Variants in ZMIZ2 observed in about 807,000 individuals in gnomAD.
The protein encoded by ZMIZ2 is zinc finger MIZ-type containing 2, also known as zinc finger MIZ domain-containing protein 2.
Under a neutral mutation model 93.9 loss-of-function variants are expected in ZMIZ2, and 26 were observed. That is an observed-to-expected ratio of 0.28 (90% CI 0.20 to 0.38). The LOEUF (loss-of-function observed/expected upper bound fraction) is 0.38, where lower values mean the gene tolerates loss of function less well. Ranked by LOEUF, ZMIZ2 falls within the 10% of genes least tolerant of loss-of-function variation. ZMIZ2 has a pLI of 1.00. For synonymous variants in ZMIZ2, 485 were observed against 516.4 expected (o/e 0.94, Z 0.82); for missense variants, 1,023 against 1,235.0 (o/e 0.83, Z 2.57).
chr7:44,760,671 C>T, intron 9 of ZMIZ2, 78 bp downstream of exon 9: 1 of 1,539,702 alleles, frequency 6.5e-7, no homozygotes, highest in Admixed American at 1.9e-5. Flanking sequence ...TCCAGAGAGT[C>T]CTGTAGGAGC....
chr7:44,760,624 T>C (rs768357036), intron 9 of ZMIZ2, 31 bp downstream of exon 9: 4 of 1,610,126 alleles, frequency 2.5e-6, no homozygotes, highest in Non-Finnish European at 3.4e-6. Flanking sequence ...GACAGCGGGG[T>C]GACAAGGCCA....
Position 44,765,882 on chromosome 7 carries a change from C to T in ZMIZ2, c.2243-282C>T, listed in dbSNP as rs1313268421. On this transcript the variant is annotated intron_variant, in intron 16 of 18. Coordinates refer to ENST00000309315, the MANE Select transcript of ZMIZ2 (RefSeq NM_031449.4). This position sits in a 1 kb window ranked among gnomAD's most constrained non-coding sequence, Gnocchi z 4.1. ...TCACAGGACTGGCCCCATCTGGGGC[C>T]CCCCTCTGGGACCCACCTCACACGC... The T allele has an allele frequency of 2.2e-6, 3 of 1,363,592 alleles. No individual in the cohort carries two copies. Among genetic ancestry groups the T allele is most frequent in the Non-Finnish European group, 9.5e-7 (1 of 1,048,860 alleles). 84.5% of individuals were successfully genotyped at this position (1,363,592 alleles called of 1,614,324 possible). A position where few individuals can be genotyped will look rare whatever the true frequency, so the allele number is the denominator to read the frequency against.
In ZMIZ2 at chr7:44,767,853, C is replaced by T; in HGVS notation, c.*230C>T. 1 of 582,580 alleles carries T rather than the reference C, an allele frequency of 1.7e-6. No homozygotes were observed. The highest frequency in any genetic ancestry group is 2.9e-5 in the East Asian group (1 of 34,486). 36.1% of individuals were successfully genotyped at this position (582,580 alleles called of 1,614,324 possible). On this transcript the variant is annotated 3_prime_UTR_variant, in exon 19 of 19. Transcript: ENST00000309315. ...CCCTTGCCACCTCCCTCTGCCAAGC[C>T]TGCTGCTGCAGAACGGTTTTTGCTG...
intron 1 of ZMIZ2, among the ~76,000 whole-genome samples, chr7:44,749,240 G>C (rs995429908): frequency 6.6e-6 from 1 of 152,186 alleles, no homozygotes; most frequent in African/African-American, 2.4e-5. Flanking sequence ...GGCAGGCTCG[G>C]CCCCGTGGGC....
At position 44,763,625 on chromosome 7, in the gene ZMIZ2, C is replaced by A; in HGVS notation, c.1860+212C>A. On this transcript the variant is annotated intron_variant, in intron 13 of 18. Coordinates refer to ENST00000309315, the MANE Select transcript of ZMIZ2 (RefSeq NM_031449.4). The surrounding 1 kb of genome is among the most constrained non-coding windows in gnomAD (Gnocchi z 5.6). ...CCAAATATAATTGTCATTTTACTAACTTTTTTACTGCCTGCTTCATTCATG... is the reference window on the plus strand; with the variant it reads ...CCAAATATAATTGTCATTTTACTAAATTTTTTACTGCCTGCTTCATTCATG... The A allele has an allele frequency of 1.6e-6, 1 of 628,020 alleles. No individual in the cohort carries two copies. Among genetic ancestry groups the A allele is most frequent in the East Asian group, 3.0e-5 (1 of 33,778 alleles). 38.9% of individuals were successfully genotyped at this position (628,020 alleles called of 1,614,324 possible).
intron 7 of ZMIZ2, 33 bp downstream of exon 7, chr7:44,759,493 C>G: frequency 7.1e-7 from 1 of 1,418,348 alleles, no homozygotes; most frequent in South Asian, 1.6e-5. Flanking sequence ...CTGTGCCGGG[C>G]TCCGTGCTGA....
In ZMIZ2 at chr7:44,754,693, G is replaced by A. The variant is rs1038818185; in HGVS notation, c.-62-1495G>A. 4.6e-5 allele frequency among the ~76,000 whole-genome samples: 7 copies of A among 152,216 alleles called. No individual in the cohort carries two copies. The South Asian group carries it at 1.4e-3, about 31-fold the overall frequency. On this transcript the variant is annotated intron_variant, in intron 1 of 18. Coordinates refer to ENST00000309315, the MANE Select transcript of ZMIZ2 (RefSeq NM_031449.4). The stretch of plus-strand genomic sequence containing the variant: ...TGCGGGGCCACCCTCTCCTGGGGCA[G>A]GGAGAGGCCATGTGAGTGCTGCGAT...
At chr7:44,756,845 C>T (rs1313017431) in intron 3 of ZMIZ2, 102 bp from the exon 4 acceptor site, 1 of 1,455,220 alleles carries the variant, frequency 6.9e-7, no homozygotes, top group Non-Finnish European at 9.5e-7. Context: ...CCACCTCTCC[C>T]CCAACCCACT....
At chr7:44,750,813 A>G (rs1041348934) in intron 1 of ZMIZ2, among the ~76,000 whole-genome samples, 12 of 151,908 alleles carry the variant, frequency 7.9e-5, no homozygotes, top group African/African-American at 2.7e-4. Flanking sequence ...GTTAGTTTAC[A>G]AGGAAAGCGC....
At chr7:44,762,334 G>A (rs905752035) in intron 11 of ZMIZ2, among the ~76,000 whole-genome samples, 3 of 152,214 alleles carry the variant, frequency 2.0e-5, no homozygotes, top group Non-Finnish European at 4.4e-5. Flanking sequence ...ACCAGGATAT[G>A]CAGAAAGCTC....
At chr7:44,756,657 C>CT in intron 3 of ZMIZ2, 118 bp downstream of exon 3, 1 of 1,144,746 alleles carries the variant, frequency 8.7e-7, no homozygotes, top group African/African-American at 1.5e-5. Context: ...GACAGAGAGG[C>CT]TGAGGCATGA....
intron 11 of ZMIZ2, among the ~76,000 whole-genome samples, chr7:44,762,314 T>C (rs1214531307): frequency 6.6e-6 from 1 of 152,250 alleles, no homozygotes; most frequent in Non-Finnish European, 1.5e-5. Flanking sequence ...ACATTAATTA[T>C]GTAAGAGAAA....
Position 44,757,146 on chromosome 7 carries a change from C to T in ZMIZ2, c.365C>T (p.Thr122Ile). ...GGYPGAPGFTTGYAGGPGGLG... is the reference protein window; with the variant it reads ...GGYPGAPGFTIGYAGGPGGLG... ...TACCCTGGGGCCCCCGGCTTCACCA[C>T]CGGGTAAGCAAGTTCCCTCACCTGG... Residue 122 changes from threonine (T) to isoleucine (I), a missense_variant, in exon 4 of 19, where the codon ACC becomes ATC. Coordinates refer to ENST00000309315, the MANE Select transcript of ZMIZ2 (RefSeq NM_031449.4). 1 of 1,596,850 alleles carries T rather than the reference C, an allele frequency of 6.3e-7. No homozygotes were observed. The highest frequency in any genetic ancestry group is 1.1e-5 in the South Asian group (1 of 89,872).
chr7:44,751,099 C>G (rs1451078555), intron 1 of ZMIZ2: 1 of 152,214 alleles, frequency 6.6e-6, no homozygotes, highest in Non-Finnish European at 1.5e-5. Flanking sequence ...AGAGTAAGCT[C>G]AGAGGGAACT....
chr7:44,763,069 C>T lies in ZMIZ2; in HGVS notation c.1702+83C>T. The stretch of plus-strand genomic sequence containing the variant: ...GCCCAACAATCCTCCTTGTGGGCAC[C>T]TCCTCGTGTCACACCAGGCCTTCTC... On this transcript the variant is annotated intron_variant, in intron 12 of 18. Coordinates refer to ENST00000309315, the MANE Select transcript of ZMIZ2 (RefSeq NM_031449.4). The surrounding 1 kb of genome is among the most constrained non-coding windows in gnomAD (Gnocchi z 5.6). The T allele has an allele frequency of 6.8e-7, 1 of 1,469,814 alleles. No individual in the cohort carries two copies. The highest frequency in any genetic ancestry group is 9.3e-7 in the Non-Finnish European group (1 of 1,071,892). 91.0% of individuals were successfully genotyped at this position (1,469,814 alleles called of 1,614,324 possible). A position where few individuals can be genotyped will look rare whatever the true frequency, so the allele number is the denominator to read the frequency against.
chr7:44,756,783 C>T (rs1443713636), intron 3 of ZMIZ2, 164 bp from the exon 4 acceptor site: 1 of 923,266 alleles, frequency 1.1e-6, no homozygotes, highest in Non-Finnish European at 1.7e-6. Context: ...AATGCCCCAA[C>T]CTCCCTGTGG....
chr7:44,760,331 C>G, intron 8 of ZMIZ2, 94 bp from the exon 9 acceptor site: 1 of 1,574,710 alleles, frequency 6.4e-7, no homozygotes, highest in Non-Finnish European at 8.6e-7. Context: ...CTGTCCACCT[C>G]TGTTATCATG....
chr7:44,757,029 T>C lies in ZMIZ2; in HGVS notation c.248T>C (p.Leu83Ser). 6.2e-7 allele frequency: 1 copy of C among 1,612,328 alleles called. No homozygotes were observed. Among genetic ancestry groups the C allele is most frequent in the Non-Finnish European group, 8.5e-7 (1 of 1,179,422 alleles). ...MPGVAGGSSA[L>S]TSPQCLGQQA... ...GGTGTGGCAGGGGGCAGCTCCGCCT[T>C]GACCTCCCCACAGTGCCTGGGACAG... The change falls in exon 4 of 19, where the codon TTG becomes TCG. Residue 83 changes from leucine (L) to serine (S), a missense_variant. Physicochemically the swap from Leu to Ser is moderately radical, Grantham distance 145. Transcript: ENST00000309315.
At chr7:44,764,544 T>G in intron 14 of ZMIZ2, 58 bp downstream of exon 14, 1 of 1,572,272 alleles carries the variant, frequency 6.4e-7, no homozygotes, top group Non-Finnish European at 8.7e-7. Context: ...GAGGCTTTCA[T>G]GGGTGAAACC....
Sources: allele counts gnomAD v4.1 joint callset (sites outside exome capture counted in the v4.1 genomes callset), GRCh38; gene constraint gnomAD v4.1.1; non-coding constraint Gnocchi (gnomAD v3.1); transcripts MANE v1.5; gene names NCBI Gene and HGNC (gene_info 2026-07-23, HGNC 2026-07-21).